The following EFTUD2 variants were observed in gnomAD, a reference collection of about 807,000 sequenced individuals.
EFTUD2 encodes the protein 116 kDa U5 small nuclear ribonucleoprotein component.
A neutral mutation model predicts 114.3 loss-of-function variants in EFTUD2; 9 were observed. The observed-to-expected ratio is 0.08, with a 90% CI of 0.05 to 0.14. EFTUD2 has a LOEUF of 0.14. EFTUD2 is among the 10% of genes least tolerant of loss of function. The pLI, the probability that EFTUD2 is intolerant of heterozygous loss-of-function variation, is 1.00. For missense variants in EFTUD2, 765 were observed against 1,241.2 expected (o/e 0.62, Z 5.76); for synonymous variants, 449 against 462.3 (o/e 0.97, Z 0.37).
intron 10 of EFTUD2, among the ~76,000 whole-genome samples, chr17:44,875,107 T>C (rs183200877): frequency 1.3e-5 from 2 of 152,264 alleles, no homozygotes; most frequent in Non-Finnish European, 2.9e-5. Flanking sequence ...GGCTCAAATC[T>C]GTAATGCTAG....
chr17:44,881,598 C>G (rs2051073986), intron 7 of EFTUD2, 89 bp downstream of exon 7: 1 of 1,374,818 alleles, frequency 7.3e-7, no homozygotes. Flanking sequence ...AACTAAAATG[C>G]TATCATAAAG....
intron 11 of EFTUD2, among the ~76,000 whole-genome samples, chr17:44,871,698 AAG>A (rs1431412728): frequency 1.3e-5 from 2 of 152,092 alleles, no homozygotes; most frequent in African/African-American, 4.8e-5. Flanking sequence ...GCTCCATGCT[AAG>A]AGTGCGGCAG....
intron 2 of EFTUD2, among the ~76,000 whole-genome samples, chr17:44,888,245 C>A: frequency 6.6e-6 from 1 of 152,182 alleles, no homozygotes; most frequent in African/African-American, 2.4e-5. Flanking sequence ...ATCTTCTGGA[C>A]CGCTCTAAGA....
In EFTUD2 at chr17:44,875,675, C is replaced by T. The variant is rs183643164; in HGVS notation, c.869+259G>A. 19 of 295,452 alleles carry T rather than the reference C, an allele frequency of 6.4e-5. No individual in the cohort carries two copies. The East Asian group carries it at 1.1e-3, about 17-fold the overall frequency. The allele number at this position is 295,452 out of a possible 1,614,324, so 18.3% of individuals were successfully genotyped here. ...GCAGTGAGCTGTGATTGTGACACTG[C>T]ACTCTAGCTTGGGTAACAGAGATCC... On this transcript the variant is annotated intron_variant, in intron 10 of 27. Transcript: ENST00000426333.
At chr17:44,866,641 A>G (rs1255247150) in intron 13 of EFTUD2, among the ~76,000 whole-genome samples, 1 of 152,146 alleles carries the variant, frequency 6.6e-6, no homozygotes, top group East Asian at 1.9e-4. Context: ...GGCCTCCCAA[A>G]GCGTCTGGAT....
At chr17:44,896,953 A>C (rs1342244825) in intron 1 of EFTUD2, among the ~76,000 whole-genome samples, 1 of 152,210 alleles carries the variant, frequency 6.6e-6, no homozygotes, top group African/African-American at 2.4e-5. Flanking sequence ...GCAGTGGCTC[A>C]CGCCTGTAAT....
At chr17:44,886,473 G>T in intron 3 of EFTUD2, 112 bp downstream of exon 3, 1 of 1,512,982 alleles carries the variant, frequency 6.6e-7, no homozygotes, top group Non-Finnish European at 8.8e-7. Flanking sequence ...GTACCTGAAG[G>T]TAGTAAAGAA....
chr17:44,859,446 C>T (rs1044973707), intron 18 of EFTUD2: 2 of 552,028 alleles, frequency 3.6e-6, no homozygotes, highest in Non-Finnish European at 6.5e-6. Context: ...AAACTCTACC[C>T]TATACCCATG....
intron 20 of EFTUD2, among the ~76,000 whole-genome samples, chr17:44,856,850 A>G (rs1280979451): frequency 6.6e-6 from 1 of 152,196 alleles, no homozygotes; most frequent in East Asian, 1.9e-4. Flanking sequence ...GGCAGTTATG[A>G]AACTCCTCTT....
At chr17:44,885,166 A>T in intron 4 of EFTUD2, 90 bp downstream of exon 4, 1 of 955,842 alleles carries the variant, frequency 1.0e-6, no homozygotes, top group Non-Finnish European at 1.7e-6. Flanking sequence ...ACAATTTACT[A>T]GCTATTTCAG....
intron 19 of EFTUD2, among the ~76,000 whole-genome samples, chr17:44,857,836 T>C (rs745962388): frequency 3.9e-5 from 6 of 151,932 alleles, no homozygotes; most frequent in Non-Finnish European, 5.9e-5. Context: ...TCACCACCCA[T>C]GGGTTAATTG....
chr17:44,862,601 T>C (rs369298879), intron 16 of EFTUD2, 112 bp downstream of exon 16: 1 of 1,075,774 alleles, frequency 9.3e-7, no homozygotes, highest in East Asian at 2.6e-5. Context: ...CTTTATCCCC[T>C]CTTGCACAGA....
chr17:44,866,819 A>G (rs2050753793), intron 13 of EFTUD2, among the ~76,000 whole-genome samples: 1 of 152,178 alleles, frequency 6.6e-6, no homozygotes, highest in African/African-American at 2.4e-5. Context: ...AAACAATGCT[A>G]TAAGCTGAGG....
chr17:44,859,254 C>G, intron 18 of EFTUD2, 73 bp from the exon 19 acceptor site: 1 of 1,064,008 alleles, frequency 9.4e-7, no homozygotes, highest in Admixed American at 1.7e-5. Flanking sequence ...AAATCAAGGC[C>G]AGAGCAGACA....
chr17:44,857,683 A>G (rs1468473916), intron 19 of EFTUD2: 1 of 159,276 alleles, frequency 6.3e-6, no homozygotes, highest in African/African-American at 2.4e-5. Context: ...AGGGTCCTCC[A>G]CAGGGCCTTG....
At chr17:44,851,967 G>T in intron 26 of EFTUD2, 150 bp from the exon 27 acceptor site, 1 of 739,590 alleles carries the variant, frequency 1.4e-6, no homozygotes, top group Non-Finnish European at 2.1e-6. Flanking sequence ...TCCCAGGCTG[G>T]AGTACAATGG....
At chr17:44,879,288 G>A (rs899964688) in intron 9 of EFTUD2, among the ~76,000 whole-genome samples, 7 of 152,066 alleles carry the variant, frequency 4.6e-5, no homozygotes, top group Non-Finnish European at 8.8e-5. Context: ...GTTTCGCCAC[G>A]TTGGCCAGGC....
At chr17:44,856,248 G>C (rs1191267994) in intron 20 of EFTUD2, among the ~76,000 whole-genome samples, 2 of 151,768 alleles carry the variant, frequency 1.3e-5, no homozygotes, top group Admixed American at 6.6e-5. Context: ...TAAGGTTTAA[G>C]CTGGGCGTGG....
rs2050517875 is a variant in EFTUD2, at chr17:44,854,824, G to A, written c.2132+94C>T. ...CAAGAGCAAAGGCAAAGACATAAAT[G>A]CTCCCCAGAAAGATGTGTGCTCTTA... On this transcript the variant is annotated intron_variant, in intron 21 of 27. Coordinates refer to ENST00000426333, the MANE Select transcript of EFTUD2 (RefSeq NM_004247.4). The surrounding 1 kb of genome is among the most constrained non-coding windows in gnomAD (Gnocchi z 4.3). 3.8e-6 allele frequency: 6 copies of A among 1,563,984 alleles called. No individual in the cohort carries two copies. In the African/African-American group the frequency reaches 5.4e-5, roughly 14 times the overall value.
Sources: gnomAD v4.1 joint callset for allele counts (sites outside exome capture counted in the v4.1 genomes callset) on GRCh38, gnomAD v4.1.1 for gene constraint, Gnocchi (gnomAD v3.1) non-coding constraint, MANE v1.5 for transcripts, NCBI Gene and HGNC (gene_info 2026-07-23, HGNC 2026-07-21) for gene names.